ADGRL2: variants seen among roughly 807,000 people sequenced by gnomAD.
The protein encoded by ADGRL2 is calcium-independent alpha-latrotoxin receptor 2.
ADGRL2 carries 44 observed loss-of-function variants against 157.4 expected under a neutral mutation model. That is an observed-to-expected ratio of 0.28 (90% CI 0.22 to 0.36). The LOEUF (loss-of-function observed/expected upper bound fraction) is 0.36. Among genes scored for constraint, ADGRL2 ranks in the 10% least tolerant of loss-of-function variants. The probability of loss-of-function intolerance (pLI) is 1.00; values close to 1 mark genes in which losing one functional copy is unlikely to be tolerated. For missense variants in ADGRL2, 1,510 were observed against 1,768.9 expected (o/e 0.85, Z 2.63); for synonymous variants, 585 against 624.7 (o/e 0.94, Z 0.95).
intron 3 of ADGRL2, among the ~76,000 whole-genome samples, chr1:81,628,095 C>A (rs2148740292): frequency 1.3e-5 from 2 of 152,288 alleles, no homozygotes; most frequent in Middle Eastern, 6.8e-3. Flanking sequence ...ACATATTAAT[C>A]TTTCAAGGTT....
intron 1 of ADGRL2, among the ~76,000 whole-genome samples, chr1:81,824,761 A>C (rs533097401): frequency 6.6e-6 from 1 of 152,192 alleles, no homozygotes; most frequent in Admixed American, 6.5e-5. Context: ...TATCAAGTTT[A>C]TTCTGAAGTT....
In ADGRL2 at chr1:81,956,053, A is replaced by C. The variant is rs1171861872; in HGVS notation, c.2010A>C (p.Glu670Asp). 6.3e-7 allele frequency: 1 copy of C among 1,589,376 alleles called. No homozygotes were observed. The highest frequency in any genetic ancestry group is 1.8e-5 in the Admixed American group (1 of 54,622). The change falls in exon 11 of 24, where the codon GAA becomes GAC. Residue 670 changes from glutamate (E) to aspartate (D), a missense_variant. Around this residue, in one of 4 missense-constraint regions of ADGRL2, gnomAD observed 325 missense variants for 333.2 expected, o/e 0.98. Coordinates refer to ENST00000686636, the MANE Select transcript of ADGRL2 (RefSeq NM_001366006.2). Reference protein sequence around the residue: ...LEPTRVSMPTENIVLEVAVLS... With the variant: ...LEPTRVSMPTDNIVLEVAVLS... ...CAACAAGGGTCTCAATGCCCACAGAAAATATTGGTAAGTGAATCTACTGTC... is the reference window on the plus strand; with the variant it reads ...CAACAAGGGTCTCAATGCCCACAGACAATATTGGTAAGTGAATCTACTGTC...
At chr1:81,503,004 C>G (rs544547860) in intron 2 of ADGRL2, 1 of 1,612,962 alleles carries the variant, frequency 6.2e-7, no homozygotes, top group African/African-American at 1.3e-5. Flanking sequence ...TGGCTGTGCC[C>G]GTGACCTTGG....
chr1:81,721,034 CT>C (rs533654243), intron 1 of ADGRL2, among the ~76,000 whole-genome samples: 6,437 of 133,142 alleles, frequency 0.048, 137 homozygotes, highest in Middle Eastern at 0.07. Flanking sequence ...AAACAATTTC[CT>C]TTTTTTTTTT....
At position 81,668,555 on chromosome 1, in the gene ADGRL2, T is replaced by A. The variant is rs137919010; in HGVS notation, c.-143+87575T>A. ...TGCTTGGATTTTGTTTTTGCTGGGGTTTTTTTGTTTTGTTTTTGCTTTTTT... is the reference window on the plus strand; with the variant it reads ...TGCTTGGATTTTGTTTTTGCTGGGGATTTTTTGTTTTGTTTTTGCTTTTTT... On this transcript the variant is annotated intron_variant, in intron 3 of 24. Coordinates refer to the ADGRL2 transcript ENST00000370721. Among the ~76,000 whole-genome samples, 1,252 of 151,860 alleles carry A rather than the reference T, an allele frequency of 8.2e-3. 7 individuals are homozygous for A. The highest frequency in any genetic ancestry group is 0.02 in the Middle Eastern group (6 of 294).
At chr1:81,971,011 A>C (rs1487015568) in intron 16 of ADGRL2, among the ~76,000 whole-genome samples, 1 of 152,154 alleles carries the variant, frequency 6.6e-6, no homozygotes. Context: ...TGAAAGGATT[A>C]AAATAAGTCA....
chr1:81,855,904 A>G (rs1358743481), intron 2 of ADGRL2, among the ~76,000 whole-genome samples: 1 of 152,224 alleles, frequency 6.6e-6, no homozygotes, highest in Non-Finnish European at 1.5e-5. Flanking sequence ...CCGAAGTCAT[A>G]TTCACAGTAG....
intron 3 of ADGRL2, among the ~76,000 whole-genome samples, chr1:81,650,540 C>G (rs545558774): frequency 1.4e-5 from 2 of 144,286 alleles, no homozygotes; most frequent in East Asian, 4.2e-4. Flanking sequence ...CGTGCCACTG[C>G]ACTCTAGCCT....
chr1:81,523,278 A>AT (rs2079367923), intron 2 of ADGRL2, among the ~76,000 whole-genome samples: 1 of 152,170 alleles, frequency 6.6e-6, no homozygotes, highest in Non-Finnish European at 1.5e-5. Context: ...CTGATACCAA[A>AT]TTTTTTATAT....
At position 81,993,278 on chromosome 1, in the gene ADGRL2, G is replaced by A. The variant is rs1429800199; in HGVS notation, c.*2133G>A. Among the ~76,000 whole-genome samples the A allele has an allele frequency of 6.7e-6, 1 of 150,314 alleles. No individual in the cohort carries two copies. Among genetic ancestry groups the A allele is most frequent in the Non-Finnish European group, 1.5e-5 (1 of 67,680 alleles). On this transcript the variant is annotated 3_prime_UTR_variant, in exon 24 of 24. Coordinates refer to ENST00000686636, the MANE Select transcript of ADGRL2 (RefSeq NM_001366006.2). Reference sequence around the variant, plus strand: ...TTCTTCAGGGATTTATAAACTACTTGCTAAAGGAGGGCATTAGATAATCAA... The same window carrying A: ...TTCTTCAGGGATTTATAAACTACTTACTAAAGGAGGGCATTAGATAATCAA...
At chr1:81,539,511 G>T (rs971593344) in intron 2 of ADGRL2, among the ~76,000 whole-genome samples, 4 of 152,162 alleles carry the variant, frequency 2.6e-5, no homozygotes, top group African/African-American at 9.7e-5. Flanking sequence ...ATCGCCTGAT[G>T]CTGCACATTC....
chr1:81,837,203 G>C (rs1025498733), intron 2 of ADGRL2, 146 bp downstream of exon 2: 1 of 486,710 alleles, frequency 2.1e-6, no homozygotes, highest in Non-Finnish European at 3.6e-6. Flanking sequence ...TGTTTATTAG[G>C]TGGTTGAGTT....
chr1:81,475,170 T>C (rs1024242260), intron 2 of ADGRL2, among the ~76,000 whole-genome samples: 9 of 151,958 alleles, frequency 5.9e-5, no homozygotes, highest in African/African-American at 2.2e-4. Flanking sequence ...CATCTAGTTT[T>C]GTTTTTTTAA....
chr1:81,549,198 GTT>G (rs2080087614), intron 2 of ADGRL2, among the ~76,000 whole-genome samples: 4 of 152,312 alleles, frequency 2.6e-5, no homozygotes, highest in African/African-American at 7.2e-5. Context: ...TAATCCATCA[GTT>G]ACCTACTGAA....
intron 3 of ADGRL2, among the ~76,000 whole-genome samples, chr1:81,694,442 A>C (rs1570858081): frequency 6.6e-6 from 1 of 152,030 alleles, no homozygotes; most frequent in African/African-American, 2.4e-5. Context: ...TATCTGGTAC[A>C]TAGTAATAAA....
intron 3 of ADGRL2, among the ~76,000 whole-genome samples, chr1:81,934,543 C>G (rs1394298227): frequency 6.6e-6 from 1 of 151,828 alleles, no homozygotes; most frequent in Non-Finnish European, 1.5e-5. Context: ...ACCTTAATAG[C>G]AAAGTCTTTC....
intron 2 of ADGRL2, among the ~76,000 whole-genome samples, chr1:81,777,010 A>G (rs1301980320): frequency 2.0e-5 from 3 of 152,230 alleles, no homozygotes; most frequent in Admixed American, 2.0e-4. Context: ...CTACTCTGAT[A>G]TAATCATCAA....
chr1:81,795,222 TA>T (rs1180689292), intron 2 of ADGRL2, among the ~76,000 whole-genome samples: 1 of 151,078 alleles, frequency 6.6e-6, no homozygotes, highest in East Asian at 2.0e-4. Context: ...CTAGAAAAAA[TA>T]AAAAAAATTA....
intron 3 of ADGRL2, among the ~76,000 whole-genome samples, chr1:81,663,830 G>A (rs1483584568): frequency 6.6e-6 from 1 of 152,100 alleles, no homozygotes; most frequent in Admixed American, 6.5e-5. Flanking sequence ...TTAAGAATTG[G>A]CTACTTGTTC....
Sources: gnomAD v4.1 joint callset for allele counts (sites outside exome capture counted in the v4.1 genomes callset) on GRCh38, gnomAD v4.1.1 for gene constraint, gnomAD v4.1.1 regional missense constraint, MANE v1.5 for transcripts, NCBI Gene and HGNC (gene_info 2026-07-23, HGNC 2026-07-21) for gene names.